The following ARHGAP44 variants were observed in gnomAD, a reference collection of about 807,000 sequenced individuals.
ARHGAP44 encodes Rho GTPase activating protein 44.
In ARHGAP44, 43 loss-of-function variants were observed where a neutral mutation model predicts 106.8. The ratio of observed to expected loss-of-function variants is 0.40; its 90% confidence interval spans 0.32 to 0.52. The LOEUF (loss-of-function observed/expected upper bound fraction) is 0.52, where lower values mean the gene tolerates loss of function less well. ARHGAP44 is among the 20% of genes least tolerant of loss of function. The pLI is 0.48. For missense variants in ARHGAP44, 866 were observed against 1,050.5 expected, an observed-to-expected ratio of 0.82 and a Z score of 2.43; for synonymous variants, 439 against 410.3, an observed-to-expected ratio of 1.07 and a Z score of -0.85.
rs1307001842 is a variant in ARHGAP44 at position 12,965,609 on chromosome 17, T to G, written c.1523+6712T>G. On this transcript the variant is annotated intron_variant, in intron 16 of 20. Coordinates refer to ENST00000379672, the MANE Select transcript of ARHGAP44 (RefSeq NM_014859.6). ...ATGGGGAGGAGGGTGGACTCTGATG[T>G]CTAATAAGTTCCTGAAGCACATGAT... Among the ~76,000 whole-genome samples, 2 of 152,210 alleles carry G rather than the reference T, an allele frequency of 1.3e-5. 1 individual carries two copies. Among genetic ancestry groups the G allele is most frequent in the Non-Finnish European group, 2.9e-5 (2 of 68,032 alleles).
chr17:12,794,757 T>C (rs1455268911), intron 1 of ARHGAP44, among the ~76,000 whole-genome samples: 1 of 152,110 alleles, frequency 6.6e-6, no homozygotes, highest in Non-Finnish European at 1.5e-5. Flanking sequence ...GCAGGTATCA[T>C]TGCTGCTGTG....
At chr17:12,973,467 A>T in intron 17 of ARHGAP44, 148 bp downstream of exon 17, 2 of 795,182 alleles carry the variant, frequency 2.5e-6, no homozygotes, top group Non-Finnish European at 4.1e-6. Flanking sequence ...TCATTAAAAT[A>T]GAATCAGAGC....
At chr17:12,910,574 T>C (rs2037698073) in intron 4 of ARHGAP44, among the ~76,000 whole-genome samples, 1 of 149,742 alleles carries the variant, frequency 6.7e-6, no homozygotes, top group African/African-American at 2.5e-5. Context: ...ACCTCCCGAG[T>C]AGCTGGGATT....
chr17:12,790,274 G>A, intron 1 of ARHGAP44: 2 of 212,502 alleles, frequency 9.4e-6, no homozygotes, highest in South Asian at 1.7e-4. Flanking sequence ...ACCGCAGTCG[G>A]TCTCCGGAGA....
At chr17:12,918,731 A>G (rs540511493) in intron 5 of ARHGAP44, among the ~76,000 whole-genome samples, 1 of 152,282 alleles carries the variant, frequency 6.6e-6, no homozygotes, top group South Asian at 2.1e-4. Context: ...ATTTTGCCTC[A>G]GGTCTGTGTC....
chr17:12,906,159 T>C (rs2037539349), intron 3 of ARHGAP44, among the ~76,000 whole-genome samples: 1 of 152,186 alleles, frequency 6.6e-6, no homozygotes, highest in African/African-American at 2.4e-5. Context: ...AGTTATGCCC[T>C]CTCTGTGAGG....
intron 6 of ARHGAP44, among the ~76,000 whole-genome samples, chr17:12,922,579 A>G (rs1040569606): frequency 2.0e-5 from 3 of 152,304 alleles, no homozygotes; most frequent in Non-Finnish European, 4.4e-5. Flanking sequence ...GAAAACCCAC[A>G]TTTCCACCAC....
intron 1 of ARHGAP44, among the ~76,000 whole-genome samples, chr17:12,860,763 G>A (rs1226678587): frequency 6.6e-6 from 1 of 152,112 alleles, no homozygotes; most frequent in Non-Finnish European, 1.5e-5. Context: ...TTTGATTCAG[G>A]GAAGGGATGT....
intron 3 of ARHGAP44, among the ~76,000 whole-genome samples, chr17:12,900,891 C>T (rs181648156): frequency 2.7e-5 from 4 of 146,448 alleles, no homozygotes; most frequent in African/African-American, 5.0e-5. Flanking sequence ...TGCCAGGTTC[C>T]GAGAGACAGG....
chr17:12,921,824 A>G (rs1190177945), intron 6 of ARHGAP44, among the ~76,000 whole-genome samples: 1 of 152,122 alleles, frequency 6.6e-6, no homozygotes, highest in East Asian at 1.9e-4. Flanking sequence ...ATCACTTCCC[A>G]AGTGCTTTAT....
intron 6 of ARHGAP44, among the ~76,000 whole-genome samples, chr17:12,920,299 C>T (rs113291882): frequency 0.014 from 1,779 of 129,030 alleles, 112 homozygotes; most frequent in South Asian, 0.11. Flanking sequence ...TGGTGTGAAC[C>T]GGGGAGGCGG....
At chr17:12,895,004 C>T (rs771862369) in intron 2 of ARHGAP44, 25 bp downstream of exon 2, 2 of 1,572,028 alleles carry the variant, frequency 1.3e-6, no homozygotes, top group South Asian at 1.2e-5. Flanking sequence ...GACACTGGCT[C>T]ACAGATACCA....
At chr17:12,797,305 T>A (rs932560848) in intron 1 of ARHGAP44, among the ~76,000 whole-genome samples, 2 of 152,244 alleles carry the variant, frequency 1.3e-5, no homozygotes, top group Admixed American at 6.5e-5. Context: ...TCATTGATTT[T>A]GATGTATGAC....
chr17:12,924,366 A>G (rs2038173788), intron 6 of ARHGAP44, among the ~76,000 whole-genome samples: 1 of 152,214 alleles, frequency 6.6e-6, no homozygotes, highest in Admixed American at 6.5e-5. Context: ...AAAGGTTGTG[A>G]ATTGAATTGA....
chr17:12,911,336 T>G (rs140579953), intron 4 of ARHGAP44, among the ~76,000 whole-genome samples: 1 of 150,006 alleles, frequency 6.7e-6, no homozygotes, highest in Admixed American at 6.7e-5. Flanking sequence ...TTTTTTTTTT[T>G]CCTTAAAAGA....
intron 20 of ARHGAP44, 54 bp from the exon 21 acceptor site, chr17:12,989,972 CTAGGTT>C (rs2040080164): frequency 1.3e-6 from 2 of 1,582,166 alleles, no homozygotes; most frequent in Non-Finnish European, 1.7e-6. Flanking sequence ...TTGCCTACAA[CTAGGTT>C]CTCATTTGCC....
chr17:12,798,946 G>A (rs78509639), intron 1 of ARHGAP44, among the ~76,000 whole-genome samples: 1,743 of 152,182 alleles, frequency 0.011, 40 homozygotes, highest in East Asian at 0.087. Context: ...TGATAGAAAA[G>A]CATTCATTAT....
At chr17:12,798,249 A>T (rs997836319) in intron 1 of ARHGAP44, among the ~76,000 whole-genome samples, 4 of 152,192 alleles carry the variant, frequency 2.6e-5, no homozygotes, top group Non-Finnish European at 5.9e-5. Context: ...ATATCATGGC[A>T]ATATGTGGGC....
rs143420921 is a variant in ARHGAP44 at position 12,915,025 on chromosome 17, G to A, written c.276-875G>A. The stretch of plus-strand genomic sequence containing the variant: ...CCTCTGCTCATACGTTTGTTGACTT[G>A]TAAAAGCTTTTTTGTTTGTTTATGT... On this transcript the variant is annotated intron_variant, in intron 4 of 20. Coordinates refer to ENST00000379672, the MANE Select transcript of ARHGAP44 (RefSeq NM_014859.6). Among the ~76,000 whole-genome samples, 668 of 152,164 alleles carry A rather than the reference G, an allele frequency of 4.4e-3. 4 individuals carry two copies. The highest frequency in any genetic ancestry group is 0.015 in the African/African-American group (633 of 41,552).
Sources: gnomAD v4.1 joint callset for allele counts (sites outside exome capture counted in the v4.1 genomes callset) on GRCh38, gnomAD v4.1.1 for gene constraint, MANE v1.5 for transcripts, NCBI Gene and HGNC (gene_info 2026-07-23, HGNC 2026-07-21) for gene names.